Variants in ERCC8 observed in about 807,000 individuals in gnomAD.
The protein encoded by ERCC8 is DNA excision repair protein ERCC-8.
In ERCC8, 52 loss-of-function variants were observed where a neutral mutation model predicts 54.9. The observed-to-expected ratio is 0.95, with a 90% CI of 0.76 to 1.19. The LOEUF (loss-of-function observed/expected upper bound fraction) is 1.19. ERCC8 is among the 50% of genes most tolerant of loss of function. ERCC8 has a pLI of 0.00. For synonymous variants in ERCC8, 146 were observed against 157.2 expected (o/e 0.93, Z 0.53); for missense variants, 514 against 466.1 (o/e 1.10, Z -0.95).
At chr5:60,880,547 G>A (rs1050145344) in intron 11 of ERCC8, among the ~76,000 whole-genome samples, 2 of 152,090 alleles carry the variant, frequency 1.3e-5, no homozygotes, top group Admixed American at 6.6e-5. Flanking sequence ...CATATTTCTT[G>A]GAGGCTTTGT....
At chr5:60,924,813 G>A (rs549047905) in intron 2 of ERCC8, among the ~76,000 whole-genome samples, 1 of 151,640 alleles carries the variant, frequency 6.6e-6, no homozygotes, top group East Asian at 1.9e-4. Flanking sequence ...ATTTATTTGT[G>A]TTCTTTAAGT....
chr5:60,913,125 T>G (rs945653991), intron 4 of ERCC8, among the ~76,000 whole-genome samples: 1 of 152,078 alleles, frequency 6.6e-6, no homozygotes, highest in African/African-American at 2.4e-5. Flanking sequence ...TTAGGGAGGA[T>G]TCCTTCTTTT....
chr5:60,898,318 A>G lies in ERCC8; in HGVS notation c.801T>C (p.Asn267=). The G allele has an allele frequency of 6.2e-7, 1 of 1,613,674 alleles. No individual in the cohort carries two copies. Among genetic ancestry groups the G allele is most frequent in the Non-Finnish European group, 8.5e-7 (1 of 1,179,704 alleles). The change falls in exon 9 of 12, where the codon AAT becomes AAC. Residue 267 remains asparagine (N), a synonymous_variant. Coordinates refer to ENST00000676185, the MANE Select transcript of ERCC8 (RefSeq NM_000082.4). ...GLHLLTVGTD[N]RMRLWNSSNG... ...TGGAACTATTCCAGAGCCTCATTCGATTATCTGTACCAACAGTGAGGAGGT... is the reference window on the plus strand; with the variant it reads ...TGGAACTATTCCAGAGCCTCATTCGGTTATCTGTACCAACAGTGAGGAGGT...
chr5:60,923,823 C>A (rs1053407242), intron 2 of ERCC8, among the ~76,000 whole-genome samples: 2 of 152,050 alleles, frequency 1.3e-5, no homozygotes, highest in Non-Finnish European at 2.9e-5. Context: ...AATAGGGGAA[C>A]CATCAAAAAT....
At chr5:60,878,645 T>C (rs1311761271) in intron 11 of ERCC8, among the ~76,000 whole-genome samples, 1 of 152,228 alleles carries the variant, frequency 6.6e-6, no homozygotes, top group Non-Finnish European at 1.5e-5. Flanking sequence ...CTAGATTTTC[T>C]AGTTTATTTG....
At chr5:60,939,293 G>C (rs1004034727) in intron 1 of ERCC8, among the ~76,000 whole-genome samples, 6 of 151,998 alleles carry the variant, frequency 3.9e-5, no homozygotes, top group African/African-American at 1.5e-4. Context: ...AAGGTTCATA[G>C]GTTTCCTCTC....
chr5:60,911,774 GT>G (rs141584398), intron 4 of ERCC8, among the ~76,000 whole-genome samples: 132,019 of 151,840 alleles, frequency 0.87, 57,738 homozygotes, highest in East Asian at 0.95. Context: ...TGTATAAGGT[GT>G]TAAGGAAGGG....
chr5:60,903,513 T>C (rs1748959893), intron 6 of ERCC8, 135 bp downstream of exon 6: 3 of 1,433,408 alleles, frequency 2.1e-6, no homozygotes, highest in Non-Finnish European at 2.8e-6. Context: ...AGGATCTTTA[T>C]TTCCCTGCTG....
rs4647161 is a variant in ERCC8, at chr5:60,873,621, G to A, written c.*994C>T. Among the ~76,000 whole-genome samples, 932 of 152,218 alleles carry A rather than the reference G, an allele frequency of 6.1e-3. 4 individuals carry two copies. Among genetic ancestry groups the A allele is most frequent in the Non-Finnish European group, 1.0e-2 (679 of 68,014 alleles). On this transcript the variant is annotated 3_prime_UTR_variant, in exon 12 of 12. Transcript: ENST00000676185. ...GAACCTGGGAGGTGAAGGTTGCAGT[G>A]AGCTGAGATCAAAACACTGCACTCC...
In ERCC8 at chr5:60,934,759, T is replaced by C. The variant is rs540944495; in HGVS notation, c.78-5800A>G. The stretch of plus-strand genomic sequence containing the variant: ...TTTTGTAGAAGGTGAGAGATGAAGA[T>C]CCATTTTCATTTTCCTCCATGTGGC... On this transcript the variant is annotated intron_variant, in intron 1 of 11. Transcript: ENST00000676185. 4.6e-5 allele frequency among the ~76,000 whole-genome samples: 7 copies of C among 152,312 alleles called. No homozygotes were observed. In the South Asian group the frequency reaches 1.4e-3, roughly 32 times the overall value.
chr5:60,886,168 G>A (rs1458744358), intron 11 of ERCC8, among the ~76,000 whole-genome samples: 1 of 151,766 alleles, frequency 6.6e-6, no homozygotes, highest in African/African-American at 2.4e-5. Flanking sequence ...AACCTTGGTG[G>A]GAGAGAAACC....
In ERCC8 at chr5:60,892,760, A is replaced by G. The variant is rs1396861693; in HGVS notation, c.844-1674T>C. ...TGGGCCCTGGAACAATGGCTGGAGC[A>G]TCCAGCAGCCGGATGAACTTGTCCA... On this transcript the variant is annotated intron_variant, in intron 9 of 11. Transcript: ENST00000676185. 8.7e-6 allele frequency: 6 copies of G among 691,824 alleles called. 1 individual carries two copies. In the Admixed American group the frequency reaches 1.1e-4, roughly 12 times the overall value. 42.9% of individuals were successfully genotyped at this position (691,824 alleles called of 1,614,324 possible).
intron 2 of ERCC8, among the ~76,000 whole-genome samples, chr5:60,923,846 T>A (rs1204138230): frequency 3.3e-5 from 5 of 152,134 alleles, no homozygotes; most frequent in Non-Finnish European, 7.4e-5. Context: ...TTCACAGAGA[T>A]CCAAACAATG....
At chr5:60,892,349 G>A (rs763582111) in intron 9 of ERCC8, 38 of 551,284 alleles carry the variant, frequency 6.9e-5, no homozygotes, top group Non-Finnish European at 1.3e-4. Context: ...AGATTCTCCA[G>A]TGGCCAAGCA....
intron 3 of ERCC8, among the ~76,000 whole-genome samples, chr5:60,921,135 C>T (rs1211212726): frequency 6.6e-6 from 1 of 151,886 alleles, no homozygotes; most frequent in Non-Finnish European, 1.5e-5. Context: ...AACCACAGGG[C>T]ATGTATACTG....
chr5:60,886,864 C>G (rs1748409427), intron 11 of ERCC8, among the ~76,000 whole-genome samples: 1 of 151,726 alleles, frequency 6.6e-6, no homozygotes, highest in Non-Finnish European at 1.5e-5. Flanking sequence ...AGATATTTAC[C>G]TTGATGTTTA....
At chr5:60,923,063 T>C (rs759164753) in intron 2 of ERCC8, among the ~76,000 whole-genome samples, 1 of 149,230 alleles carries the variant, frequency 6.7e-6, no homozygotes, top group Non-Finnish European at 1.5e-5. Flanking sequence ...AGGGAAAGAG[T>C]GGTGAGAGAT....
At chr5:60,875,774 G>A (rs1371571187) in intron 11 of ERCC8, among the ~76,000 whole-genome samples, 2 of 152,128 alleles carry the variant, frequency 1.3e-5, no homozygotes, top group African/African-American at 4.8e-5. Flanking sequence ...TCCGCTCACT[G>A]CAAGCTCCGC....
At chr5:60,905,490 T>A (rs1270786902) in intron 4 of ERCC8, among the ~76,000 whole-genome samples, 1 of 152,180 alleles carries the variant, frequency 6.6e-6, no homozygotes, top group East Asian at 1.9e-4. Flanking sequence ...CTTCCACTTG[T>A]CAAGACTTCA....
Sources: gnomAD v4.1 joint callset for allele counts (sites outside exome capture counted in the v4.1 genomes callset) on GRCh38, gnomAD v4.1.1 for gene constraint, MANE v1.5 for transcripts, NCBI Gene and HGNC (gene_info 2026-07-23, HGNC 2026-07-21) for gene names.